Variants in NOL7 observed in about 807,000 individuals in gnomAD.
The protein encoded by NOL7 is U3 small nucleolar RNA-associated protein NOL7.
In NOL7, 36 loss-of-function variants were observed where a neutral mutation model predicts 38.4. The observed-to-expected ratio is 0.94, with a 90% CI of 0.72 to 1.24. NOL7 has a LOEUF of 1.24. Among genes scored for constraint, NOL7 ranks in the 50% most tolerant of loss-of-function variants. The pLI is 0.00. For missense variants in NOL7, 350 were observed against 315.1 expected, an observed-to-expected ratio of 1.11 and a Z score of -0.84; for synonymous variants, 142 against 126.5, an observed-to-expected ratio of 1.12 and a Z score of -0.82.
chr6:13,616,041 A>C (rs983330284), intron 2 of NOL7, among the ~76,000 whole-genome samples: 2 of 152,226 alleles, frequency 1.3e-5, no homozygotes, highest in African/African-American at 4.8e-5. Flanking sequence ...GTCTCAAAAA[A>C]AAAAAGTTCG....
intron 3 of NOL7, among the ~76,000 whole-genome samples, chr6:13,616,773 ACTGC>A (rs1764303346): frequency 6.6e-6 from 1 of 152,188 alleles, no homozygotes; most frequent in Non-Finnish European, 1.5e-5. Context: ...CATTTTGTTG[ACTGC>A]CTGTCATTGT....
intron 8 of NOL7, among the ~76,000 whole-genome samples, chr6:13,632,118 CTTTTTTTTTTTTTTTTTTTTTTTTTTTTT>C (rs752500098): frequency 5.0e-3 from 372 of 74,958 alleles, no homozygotes; most frequent in African/African-American, 0.013. Flanking sequence ...GGATTTAATC[CTTTTTTTTTTTTTTTTTTTTTTTTTTTTT>C]TTTTTTTTTT....
At chr6:13,622,649 G>A (rs1267138284), downstream of NOL7, among the ~76,000 whole-genome samples, 1 of 148,726 alleles carries the variant, frequency 6.7e-6, no homozygotes, top group African/African-American at 2.6e-5. Context: ...GACAGATGCC[G>A]CCTTGGACAT....
chr6:13,625,816 C>G (rs1294667821), downstream of NOL7: 2 of 1,285,358 alleles, frequency 1.6e-6, no homozygotes, highest in Non-Finnish European at 2.3e-6. Context: ...AACTATTATG[C>G]TCACAAATGT....
At chr6:13,629,654 T>G (rs1764719171) in intron 8 of NOL7, among the ~76,000 whole-genome samples, 1 of 152,224 alleles carries the variant, frequency 6.6e-6, no homozygotes, top group Middle Eastern at 3.4e-3. Context: ...TACTGGACTT[T>G]CCACAGTCCC....
In NOL7 at chr6:13,615,614, A is replaced by AC. The variant is rs767449224; in HGVS notation, c.258dup (p.Val87ArgfsTer5). 5.0e-6 allele frequency: 8 copies of AC among 1,597,484 alleles called. No individual in the cohort carries two copies. Among genetic ancestry groups the AC allele is most frequent in the Non-Finnish European group, 4.3e-6 (5 of 1,170,884 alleles). On this transcript the variant is annotated frameshift_variant, in exon 1 of 8. Coordinates refer to ENST00000451315, the MANE Select transcript of NOL7 (RefSeq NM_016167.5). LOFTEE classifies it high-confidence loss of function. The stretch of plus-strand genomic sequence containing the variant: ...AGAAGAGGAGCGGCGAGTGCGGGAG[A>AC]CCGTGCGCAGGTTCGGAGCCCGCTG...
downstream of NOL7, among the ~76,000 whole-genome samples, chr6:13,624,030 C>G (rs1285106848): frequency 6.6e-6 from 1 of 152,164 alleles, no homozygotes; most frequent in Admixed American, 6.5e-5. Context: ...CCATAATTTT[C>G]CTTACAATTC....
rs752500098 is a variant in NOL7, at chr6:13,632,118, C to CTTTTTTTTTTTT, written n.574-237_574-226dup. On this transcript the variant is annotated intron_variant and non_coding_transcript_variant, in intron 8 of 8. Transcript: ENST00000474485. Reference sequence around the variant, plus strand: ...TAAGCACTAGCACTGGGATTTAATCCTTTTTTTTTTTTTTTTTTTTTTTTT... The same window carrying CTTTTTTTTTTTT: ...TAAGCACTAGCACTGGGATTTAATCCTTTTTTTTTTTTTTTTTTTTTTTTTTTTTTTTTTTTT... Among the ~76,000 whole-genome samples the CTTTTTTTTTTTT allele has an allele frequency of 8.0e-5, 6 of 74,964 alleles. 1 individual carries two copies. Among genetic ancestry groups the CTTTTTTTTTTTT allele is most frequent in the Non-Finnish European group, 1.3e-4 (5 of 38,572 alleles). 49.2% of individuals were successfully genotyped at this position (74,964 alleles called of 152,430 possible). A position where few individuals can be genotyped will look rare whatever the true frequency, so the allele number is the denominator to read the frequency against.
At chr6:13,629,462 C>CA (rs1364553845) in intron 8 of NOL7, among the ~76,000 whole-genome samples, 2 of 151,922 alleles carry the variant, frequency 1.3e-5, no homozygotes, top group East Asian at 1.9e-4. Context: ...TATTTTAAAG[C>CA]AAAAAACATT....
At chr6:13,616,761 T>C (rs576432240) in intron 3 of NOL7, among the ~76,000 whole-genome samples, 30 of 152,380 alleles carry the variant, frequency 2.0e-4, no homozygotes, top group African/African-American at 6.5e-4. Flanking sequence ...GTTCATTCAG[T>C]ACATTTTGTT....
At position 13,620,349 on chromosome 6, in the gene NOL7, T is replaced by C. The variant is rs754286226; in HGVS notation, c.622+20T>C. 17 of 1,613,716 alleles carry C rather than the reference T, an allele frequency of 1.1e-5. No homozygotes were observed. The highest frequency in any genetic ancestry group is 1.4e-5 in the Non-Finnish European group (17 of 1,179,902). On this transcript the variant is annotated intron_variant, in intron 6 of 7. Coordinates refer to ENST00000451315, the MANE Select transcript of NOL7 (RefSeq NM_016167.5). ...CTACTGGTAATTTTTTTATGGACTA[T>C]TTTTCTCACTTTTTACTGCAAATAA... is the stretch of plus-strand genomic sequence containing the variant.
chr6:13,625,744 T>A, downstream of NOL7: 1 of 1,610,086 alleles, frequency 6.2e-7, no homozygotes, highest in South Asian at 1.1e-5. Context: ...GATCTGAATA[T>A]GCTAGTAGAC....
downstream of NOL7, among the ~76,000 whole-genome samples, chr6:13,623,860 A>G (rs982035673): frequency 3.3e-5 from 5 of 152,188 alleles, no homozygotes; most frequent in South Asian, 2.1e-4. Flanking sequence ...ATGTAAGAGT[A>G]TATGTGTCTA....
chr6:13,622,119 C>T (rs745787453), downstream of NOL7: 4 of 268,016 alleles, frequency 1.5e-5, no homozygotes, highest in Non-Finnish European at 2.7e-5. Context: ...TCAATTTGAA[C>T]GTCTGAAATT....
Position 13,615,434 on chromosome 6 carries a change from T to G in NOL7, c.76T>G (p.Ser26Ala). 6.5e-7 allele frequency: 1 copy of G among 1,548,584 alleles called. No homozygotes were observed. The highest frequency in any genetic ancestry group is 8.7e-7 in the Non-Finnish European group (1 of 1,146,346). ...GATGGTGGACGAGGGCCAGCTGGCC[T>G]CGGAGGAGGAGGAGGCGGAGCACGG... ...EAMVDEGQLASEEEEAEHGLL... is the reference protein window; with the variant it reads ...EAMVDEGQLAAEEEEAEHGLL... Residue 26 changes from serine (S) to alanine (A), a missense_variant, in exon 1 of 8, where the codon TCG (serine) becomes GCG (alanine). By Grantham distance (99) the Ser-to-Ala change is moderately conservative (BLOSUM62 1). Coordinates refer to ENST00000451315, the MANE Select transcript of NOL7 (RefSeq NM_016167.5).
chr6:13,615,666 G>A, intron 1 of NOL7, 42 bp downstream of exon 1: 1 of 1,613,776 alleles, frequency 6.2e-7, no homozygotes, highest in Non-Finnish European at 8.5e-7. Context: ...GCCCTTTCTC[G>A]TCCCGCTTGT....
At chr6:13,619,025 A>T (rs1764366122) in intron 5 of NOL7, among the ~76,000 whole-genome samples, 1 of 152,196 alleles carries the variant, frequency 6.6e-6, no homozygotes, top group African/African-American at 2.4e-5. Context: ...CTCTCCCAAT[A>T]GATAGATGTT....
chr6:13,626,184 C>T (rs1175254957), downstream of NOL7, among the ~76,000 whole-genome samples: 2 of 152,182 alleles, frequency 1.3e-5, no homozygotes, highest in Admixed American at 1.3e-4. Context: ...GAACTGGACA[C>T]ATCTCACTGG....
At chr6:13,625,729 C>G (rs1307915502), downstream of NOL7, 2 of 1,612,434 alleles carry the variant, frequency 1.2e-6, no homozygotes, top group Admixed American at 1.7e-5. Flanking sequence ...CTGGGCTGTT[C>G]CAGGGATCTG....
Sources: gnomAD v4.1 joint callset for allele counts (sites outside exome capture counted in the v4.1 genomes callset) on GRCh38, gnomAD v4.1.1 for gene constraint, MANE v1.5 for transcripts, NCBI Gene and HGNC (gene_info 2026-07-23, HGNC 2026-07-21) for gene names.